TNR: variants seen among roughly 807,000 people sequenced by gnomAD.
TNR encodes tenascin R, also known as tenascin-R.
Under a neutral mutation model 150.4 loss-of-function variants are expected in TNR, and 45 were observed. That is an observed-to-expected ratio of 0.30 (90% CI 0.24 to 0.38). TNR has a LOEUF of 0.38. TNR is among the 10% of genes least tolerant of loss of function. The pLI is 1.00. For missense variants in TNR, 1,544 were observed against 1,759.1 expected, an observed-to-expected ratio of 0.88 and a Z score of 2.19; for synonymous variants, 687 against 678.4, an observed-to-expected ratio of 1.01 and a Z score of -0.20.
At chr1:175,462,273 T>C (rs1470132930) in intron 2 of TNR, among the ~76,000 whole-genome samples, 2 of 152,128 alleles carry the variant, frequency 1.3e-5, no homozygotes, top group Admixed American at 1.3e-4. Flanking sequence ...CAAGGATGGG[T>C]TTGATTTGAT....
chr1:175,458,807 G>C (rs1656681383), intron 2 of TNR, among the ~76,000 whole-genome samples: 2 of 152,026 alleles, frequency 1.3e-5, no homozygotes, highest in African/African-American at 4.8e-5. Context: ...AAAATATTTT[G>C]AATGCAAAGA....
intron 2 of TNR, among the ~76,000 whole-genome samples, chr1:175,506,358 T>G (rs1279338678): frequency 6.6e-6 from 1 of 152,260 alleles, no homozygotes; most frequent in Non-Finnish European, 1.5e-5. Context: ...GCCAACATTC[T>G]AAACACTTAT....
At chr1:175,494,354 C>G (rs1228239358) in intron 2 of TNR, among the ~76,000 whole-genome samples, 2 of 152,238 alleles carry the variant, frequency 1.3e-5, no homozygotes, top group Non-Finnish European at 2.9e-5. Flanking sequence ...TTCATAGTCC[C>G]CGGCACCAGC....
At chr1:175,535,447 T>TTTGTTGTTG (rs138597544) in intron 1 of TNR, among the ~76,000 whole-genome samples, 1 of 148,070 alleles carries the variant, frequency 6.8e-6, no homozygotes, top group Non-Finnish European at 1.5e-5. Context: ...TTATTTATTT[T>TTTGTTGTTG]TTGTTGTTGT....
intron 2 of TNR, among the ~76,000 whole-genome samples, chr1:175,513,006 G>A (rs1025485512): frequency 3.3e-5 from 5 of 152,208 alleles, no homozygotes; most frequent in African/African-American, 4.8e-5. Flanking sequence ...TTTCAGGTCA[G>A]TATGGTTCCC....
chr1:175,724,756 A>G (rs1027895302), intron 1 of TNR, among the ~76,000 whole-genome samples: 18 of 152,226 alleles, frequency 1.2e-4, no homozygotes, highest in African/African-American at 4.1e-4. Context: ...ACATGTAACC[A>G]TGGCACCTGG....
intron 1 of TNR, among the ~76,000 whole-genome samples, chr1:175,700,396 T>C (rs1182697699): frequency 6.6e-5 from 10 of 152,196 alleles, no homozygotes; most frequent in Non-Finnish European, 1.5e-5. Context: ...TCAGAAGTGA[T>C]GTCACTGCTC....
rs192498699 is a variant in TNR at position 175,358,808 on chromosome 1, A to G, written c.2974+804T>C. ...GAACTTCAAGATTTCGTGTTAGTTA[A>G]ACCTGTTGGGCTGGATATGAATAGA... On this transcript the variant is annotated intron_variant, in intron 15 of 22. Coordinates refer to ENST00000367674, the MANE Select transcript of TNR (RefSeq NM_003285.3). 2.0e-5 allele frequency among the ~76,000 whole-genome samples: 3 copies of G among 152,346 alleles called. No individual in the cohort carries two copies. In the East Asian group the frequency reaches 5.8e-4, roughly 29 times the overall value.
chr1:175,371,333 G>A lies in TNR; in HGVS notation c.1964-4036C>T, dbSNP rs539894841. ...TTCTTTGTTCAACTTGGAGGTTGAT[G>A]CTTTTCTCAACTCTTTCACCTCACA... is the stretch of plus-strand genomic sequence containing the variant. On this transcript the variant is annotated intron_variant, in intron 9 of 22. Coordinates refer to ENST00000367674, the MANE Select transcript of TNR (RefSeq NM_003285.3). Among the ~76,000 whole-genome samples the A allele has an allele frequency of 2.6e-4, 40 of 152,254 alleles. No individual in the cohort carries two copies. The South Asian group carries it at 8.1e-3, about 31-fold the overall frequency.
intron 9 of TNR, among the ~76,000 whole-genome samples, chr1:175,368,177 TACA>T (rs1324017537): frequency 6.6e-6 from 1 of 152,216 alleles, no homozygotes; most frequent in Non-Finnish European, 1.5e-5. Context: ...TTTAGTGACT[TACA>T]ACAACAAAAG....
chr1:175,325,246 C>T lies in TNR; in HGVS notation c.3794-727G>A, dbSNP rs111513035. Among the ~76,000 whole-genome samples the T allele has an allele frequency of 5.7e-3, 869 of 152,296 alleles. 7 individuals carry two copies. The highest frequency in any genetic ancestry group is 0.018 in the African/African-American group (740 of 41,558). ...GTAGGTGGAGATGAAGACATTTATG[C>T]AGCCAACAGACACATAAAAAATGCT... On this transcript the variant is annotated intron_variant, in intron 21 of 22. Transcript: ENST00000367674.
chr1:175,348,153 T>A (rs1357724319), intron 18 of TNR, among the ~76,000 whole-genome samples: 1 of 152,148 alleles, frequency 6.6e-6, no homozygotes, highest in Non-Finnish European at 1.5e-5. Flanking sequence ...AGACAAAAAT[T>A]ATCAGCAATA....
chr1:175,467,131 C>T (rs531132449), intron 2 of TNR, among the ~76,000 whole-genome samples: 19 of 152,120 alleles, frequency 1.2e-4, no homozygotes, highest in African/African-American at 3.4e-4. Context: ...AATTATTATT[C>T]GATGCAGAGA....
At chr1:175,679,756 G>A (rs965159400) in intron 1 of TNR, among the ~76,000 whole-genome samples, 16 of 152,188 alleles carry the variant, frequency 1.1e-4, no homozygotes, top group African/African-American at 3.6e-4. Context: ...TTAAAGCAAC[G>A]TTCCAGAAGG....
At chr1:175,718,425 C>A (rs1371409195) in intron 1 of TNR, among the ~76,000 whole-genome samples, 1 of 152,190 alleles carries the variant, frequency 6.6e-6, no homozygotes, top group Non-Finnish European at 1.5e-5. Flanking sequence ...CCTATTCATC[C>A]CCTGAAACCC....
chr1:175,423,928 C>T (rs376318023), intron 2 of TNR, among the ~76,000 whole-genome samples: 1 of 152,012 alleles, frequency 6.6e-6, no homozygotes, highest in East Asian at 1.9e-4. Context: ...GTGTGCCAGC[C>T]AAAAGCTATG....
intron 18 of TNR, among the ~76,000 whole-genome samples, chr1:175,352,734 T>C (rs911650478): frequency 5.3e-5 from 8 of 152,192 alleles, no homozygotes; most frequent in Admixed American, 2.0e-4. Context: ...CACTTGTTTC[T>C]CTGATTAATG....
At chr1:175,529,844 A>G (rs894188464) in intron 1 of TNR, among the ~76,000 whole-genome samples, 4 of 152,168 alleles carry the variant, frequency 2.6e-5, no homozygotes, top group Non-Finnish European at 5.9e-5. Flanking sequence ...ATATCTTTTG[A>G]ACCAACTGCA....
intron 1 of TNR, among the ~76,000 whole-genome samples, chr1:175,556,436 A>T (rs890982564): frequency 2.6e-5 from 4 of 152,230 alleles, no homozygotes; most frequent in African/African-American, 2.4e-5. Flanking sequence ...TCCAACTTGT[A>T]CCAAAATACA....
Sources: allele counts gnomAD v4.1 joint callset (sites outside exome capture counted in the v4.1 genomes callset), GRCh38; gene constraint gnomAD v4.1.1; transcripts MANE v1.5; gene names NCBI Gene and HGNC (gene_info 2026-07-23, HGNC 2026-07-21).